The following AGBL1 variants were observed in gnomAD, a reference collection of about 807,000 sequenced individuals.
AGBL1 encodes cytosolic carboxypeptidase 4.
AGBL1 carries 130 observed loss-of-function variants against 118.9 expected under a neutral mutation model. That is an observed-to-expected ratio of 1.09 (90% CI 0.95 to 1.26). The LOEUF (loss-of-function observed/expected upper bound fraction) is 1.26. Ranked by LOEUF, AGBL1 falls within the 50% of genes most tolerant of loss-of-function variation. The pLI is 0.00. For missense variants in AGBL1, 1,584 were observed against 1,298.1 expected, an observed-to-expected ratio of 1.22 and a Z score of -3.38; for synonymous variants, 555 against 478.9, an observed-to-expected ratio of 1.16 and a Z score of -2.08.
chr15:86,301,641 G>GGTGTGTGTGTGT (rs60282415), intron 17 of AGBL1, among the ~76,000 whole-genome samples: 1 of 137,242 alleles, frequency 7.3e-6, no homozygotes. Flanking sequence ...TAATCTACAG[G>GGTGTGTGTGTGT]GTGTGTGTGT....
In AGBL1 at chr15:86,867,486, T is replaced by A. The variant is rs190017977; in HGVS notation, c.3159-39601T>A. ...GCAGGAGTGAAAACAACAGTTTTTT[T>A]AAAAAATTAAGCATTAAATTACACT... On this transcript the variant is annotated intron_variant, in intron 22 of 22. Coordinates refer to ENST00000614907, the MANE Select transcript of AGBL1 (RefSeq NM_001386094.1). Among the ~76,000 whole-genome samples the A allele has an allele frequency of 5.8e-3, 886 of 152,300 alleles. 5 individuals carry two copies. The highest frequency in any genetic ancestry group is 0.01 in the Middle Eastern group (3 of 294).
chr15:86,465,458 T>A (rs2082390303), intron 18 of AGBL1, among the ~76,000 whole-genome samples: 1 of 152,170 alleles, frequency 6.6e-6, no homozygotes, highest in South Asian at 2.1e-4. Flanking sequence ...ACAAGGGAGA[T>A]AACCATAAAT....
At chr15:86,956,480 G>T (rs1267321399) in intron 23 of AGBL1, among the ~76,000 whole-genome samples, 1 of 152,068 alleles carries the variant, frequency 6.6e-6, no homozygotes, top group African/African-American at 2.4e-5. Flanking sequence ...AGTAAGTGTT[G>T]ATCTTGCATA....
intron 5 of AGBL1, chr15:86,173,106 T>C (rs1472597278): frequency 2.0e-5 from 3 of 152,170 alleles, no homozygotes; most frequent in Non-Finnish European, 4.4e-5. Flanking sequence ...TGATTCGTGA[T>C]AGTGAGCATT....
At position 86,914,545 on chromosome 15, in the gene AGBL1, C is replaced by T. The variant is rs755565744; in HGVS notation, c.*7251C>T. On this transcript the variant is annotated 3_prime_UTR_variant, in exon 23 of 23. Coordinates refer to ENST00000614907, the MANE Select transcript of AGBL1 (RefSeq NM_001386094.1). ...TGAACCATAACACAGTTACAGCTAA[C>T]GTGGTAATTAGCAACACTTAGTATC... is the stretch of plus-strand genomic sequence containing the variant. 8.5e-5 allele frequency: 13 copies of T among 152,172 alleles called. No individual in the cohort carries two copies. The highest frequency in any genetic ancestry group is 1.5e-4 in the Non-Finnish European group (10 of 68,042). The allele number at this position is 152,172 out of a possible 1,614,324, so 9.4% of individuals were successfully genotyped here.
chr15:86,469,267 C>G (rs910611643), intron 18 of AGBL1, among the ~76,000 whole-genome samples: 5 of 152,152 alleles, frequency 3.3e-5, no homozygotes, highest in African/African-American at 1.2e-4. Flanking sequence ...CTCTGGTAAT[C>G]AACCTTTGAC....
At chr15:86,512,688 T>G (rs2083066838) in intron 18 of AGBL1, among the ~76,000 whole-genome samples, 1 of 151,828 alleles carries the variant, frequency 6.6e-6, no homozygotes, top group Non-Finnish European at 1.5e-5. Context: ...TCTTTGCCTG[T>G]CTTCAATATT....
intron 22 of AGBL1, among the ~76,000 whole-genome samples, chr15:86,692,766 C>T (rs557522932): frequency 7.8e-4 from 119 of 152,236 alleles, no homozygotes; most frequent in African/African-American, 2.7e-3. Flanking sequence ...CCCCTCACAC[C>T]ATTTCTCCTG....
At chr15:86,407,904 C>G (rs2081553378) in intron 18 of AGBL1, among the ~76,000 whole-genome samples, 1 of 152,092 alleles carries the variant, frequency 6.6e-6, no homozygotes, top group Non-Finnish European at 1.5e-5. Context: ...TGCACATTCC[C>G]TGTATGCCTA....
At chr15:86,128,539 C>G (rs909738288) in intron 1 of AGBL1, among the ~76,000 whole-genome samples, 7 of 152,346 alleles carry the variant, frequency 4.6e-5, no homozygotes, top group Non-Finnish European at 8.8e-5. Flanking sequence ...AGCTGGATCA[C>G]CAGGCGCAGA....
Position 86,766,868 on chromosome 15 carries a change from CA to C in AGBL1, c.3158+92433del, listed in dbSNP as rs55845268. 1.1e-4 allele frequency among the ~76,000 whole-genome samples: 16 copies of C among 151,936 alleles called. No individual in the cohort carries two copies. In the East Asian group the frequency reaches 1.2e-3, roughly 11 times the overall value. Reference sequence around the variant, plus strand: ...AAAATAATCTACACACACACACACACACCCCTCTGCTCTGAGAATTAACAAG... The same window carrying C: ...AAAATAATCTACACACACACACACACCCCCTCTGCTCTGAGAATTAACAAG... On this transcript the variant is annotated intron_variant, in intron 22 of 22. Transcript: ENST00000614907.
chr15:86,919,573 G>GACAC (rs376501612), downstream of AGBL1, among the ~76,000 whole-genome samples: 2,647 of 128,794 alleles, frequency 0.021, 79 homozygotes, highest in African/African-American at 0.059. Context: ...TCCCTGTTGA[G>GACAC]ACACACACAC....
intron 17 of AGBL1, among the ~76,000 whole-genome samples, chr15:86,393,127 T>C (rs903485390): frequency 6.6e-6 from 1 of 152,200 alleles, no homozygotes. Context: ...TTCATGAGAA[T>C]CCATCGTTGT....
At chr15:86,785,678 G>A (rs578040506) in intron 22 of AGBL1, among the ~76,000 whole-genome samples, 18 of 152,140 alleles carry the variant, frequency 1.2e-4, no homozygotes, top group East Asian at 3.9e-4. Context: ...CGAGATGTGC[G>A]TGTTTTAAAG....
chr15:86,470,837 T>C (rs1183122903), intron 18 of AGBL1, among the ~76,000 whole-genome samples: 1 of 152,142 alleles, frequency 6.6e-6, no homozygotes, highest in Non-Finnish European at 1.5e-5. Context: ...TCTTTGTTAG[T>C]GTATAGAAAT....
At chr15:86,805,948 C>T (rs539140146) in intron 22 of AGBL1, among the ~76,000 whole-genome samples, 3 of 152,226 alleles carry the variant, frequency 2.0e-5, no homozygotes, top group African/African-American at 7.2e-5. Flanking sequence ...GCACAAACTC[C>T]AGAAAATACT....
intron 19 of AGBL1, among the ~76,000 whole-genome samples, chr15:86,538,196 G>A (rs1282531800): frequency 1.3e-5 from 2 of 152,170 alleles, no homozygotes; most frequent in Non-Finnish European, 2.9e-5. Flanking sequence ...TGTAAGTAAA[G>A]GCTGCTTTTC....
chr15:87,010,980 G>A (rs1017240660), intron 24 of AGBL1, among the ~76,000 whole-genome samples: 1 of 152,188 alleles, frequency 6.6e-6, no homozygotes, highest in South Asian at 2.1e-4. Flanking sequence ...AAATGTAGCA[G>A]AGTCTGGCTA....
At chr15:86,259,200 C>G (rs1482525435) in intron 9 of AGBL1, among the ~76,000 whole-genome samples, 1 of 152,156 alleles carries the variant, frequency 6.6e-6, no homozygotes, top group Non-Finnish European at 1.5e-5. Context: ...TAGTACCTAC[C>G]TCATTACCCT....
Sources: gnomAD v4.1 joint callset for allele counts (sites outside exome capture counted in the v4.1 genomes callset) on GRCh38, gnomAD v4.1.1 for gene constraint, MANE v1.5 for transcripts, NCBI Gene and HGNC (gene_info 2026-07-23, HGNC 2026-07-21) for gene names.